Variants in HCN1 observed in about 807,000 individuals in gnomAD.
HCN1 encodes the protein potassium/sodium hyperpolarization-activated cyclic nucleotide-gated channel 1.
In HCN1, 13 loss-of-function variants were observed where a neutral mutation model predicts 78.9. That is an observed-to-expected ratio of 0.16 (90% confidence interval 0.11 to 0.26). The LOEUF (loss-of-function observed/expected upper bound fraction) is 0.26. Among genes scored for constraint, HCN1 ranks in the 10% least tolerant of loss-of-function variants. The probability of loss-of-function intolerance (pLI) is 1.00; values close to 1 mark genes in which losing one functional copy is unlikely to be tolerated. For missense variants in HCN1, 810 were observed against 1,154.3 expected (o/e 0.70, Z 4.32); for synonymous variants, 552 against 455.5 (o/e 1.21, Z -2.70).
chr5:45,262,227 C>T lies in HCN1; in HGVS notation c.2367G>A (p.Ser789=). ...LTREVRPLSA[S]QPSLPHEVST... ...ACACCTCATGGGGCAGCGAGGGCTGCGAGGCGGAGAGTGGCCTGACTTCCC... is the reference window on the plus strand; with the variant it reads ...ACACCTCATGGGGCAGCGAGGGCTGTGAGGCGGAGAGTGGCCTGACTTCCC... Residue 789 remains serine (S), a synonymous_variant, in exon 8 of 8, where the codon TCG becomes TCA. Transcript: ENST00000303230. 1 of 1,614,008 alleles carries T rather than the reference C, an allele frequency of 6.2e-7. No individual in the cohort carries two copies. The highest frequency in any genetic ancestry group is 8.5e-7 in the Non-Finnish European group (1 of 1,180,030).
intron 3 of HCN1, among the ~76,000 whole-genome samples, chr5:45,443,729 ATAATT>A (rs1740729527): frequency 6.6e-6 from 1 of 152,152 alleles, no homozygotes; most frequent in African/African-American, 2.4e-5. Flanking sequence ...AAGTTAAAAC[ATAATT>A]TAATATTTTT....
At chr5:45,666,587 A>C (rs1746054055) in intron 1 of HCN1, among the ~76,000 whole-genome samples, 1 of 152,058 alleles carries the variant, frequency 6.6e-6, no homozygotes, top group African/African-American at 2.4e-5. Context: ...CTTCATATAC[A>C]TAAAATATTT....
intron 3 of HCN1, among the ~76,000 whole-genome samples, chr5:45,449,212 G>A (rs1474767968): frequency 3.3e-5 from 5 of 152,226 alleles, no homozygotes; most frequent in South Asian, 2.1e-4. Flanking sequence ...AAGTAACCAA[G>A]GTACAAATAT....
In HCN1 at chr5:45,493,362, C is replaced by T. The variant is rs140829179; in HGVS notation, c.850-31355G>A. Among the ~76,000 whole-genome samples, 53 of 151,864 alleles carry T rather than the reference C, an allele frequency of 3.5e-4. No individual in the cohort carries two copies. In the East Asian group the frequency reaches 9.5e-3, roughly 27 times the overall value. ...TCTTATACTCTAACAAAAAATAAAT[C>T]GAGTTAAATATAATTTTCTAATGTC... On this transcript the variant is annotated intron_variant, in intron 2 of 7. Coordinates refer to ENST00000303230, the MANE Select transcript of HCN1 (RefSeq NM_021072.4).
chr5:45,296,088 G>A (rs532107287), intron 6 of HCN1, among the ~76,000 whole-genome samples: 3 of 152,102 alleles, frequency 2.0e-5, no homozygotes, highest in East Asian at 1.9e-4. Flanking sequence ...TGTCATCATA[G>A]TGAAAATATG....
intron 3 of HCN1, among the ~76,000 whole-genome samples, chr5:45,454,627 G>A (rs1046821405): frequency 9.2e-5 from 14 of 151,962 alleles, no homozygotes; most frequent in Middle Eastern, 3.4e-3. Context: ...CTCAAGAGAG[G>A]GGAAATATAT....
At chr5:45,537,151 A>G (rs1742982207) in intron 2 of HCN1, among the ~76,000 whole-genome samples, 1 of 152,082 alleles carries the variant, frequency 6.6e-6, no homozygotes, top group Non-Finnish European at 1.5e-5. Flanking sequence ...TGTTCTCAAG[A>G]CTGTAATAGG....
intron 3 of HCN1, among the ~76,000 whole-genome samples, chr5:45,407,019 C>T (rs1427495555): frequency 2.6e-5 from 4 of 152,100 alleles, no homozygotes; most frequent in African/African-American, 4.8e-5. Flanking sequence ...AATCCTTGCC[C>T]GAGGCTCAGC....
intron 4 of HCN1, among the ~76,000 whole-genome samples, chr5:45,364,900 G>T (rs1295824963): frequency 6.6e-6 from 1 of 152,000 alleles, no homozygotes; most frequent in Non-Finnish European, 1.5e-5. Context: ...ATTTAGATTA[G>T]ATTAGATGAG....
At chr5:45,404,260 G>A (rs986243233) in intron 3 of HCN1, among the ~76,000 whole-genome samples, 11 of 152,038 alleles carry the variant, frequency 7.2e-5, no homozygotes, top group African/African-American at 1.9e-4. Flanking sequence ...TATTATATGC[G>A]AATGGGAGAC....
intron 4 of HCN1, among the ~76,000 whole-genome samples, chr5:45,375,943 C>A (rs1180490838): frequency 8.8e-6 from 1 of 113,904 alleles, no homozygotes; most frequent in Non-Finnish European, 1.6e-5. Flanking sequence ...AATATTTTAT[C>A]ACATATATTA....
At position 45,372,847 on chromosome 5, in the gene HCN1, TCGTATTCTATACACAAAAATATGTA is replaced by T. The variant is rs1482931558; in HGVS notation, c.1231-19626_1231-19602del. Among the ~76,000 whole-genome samples the T allele has an allele frequency of 1.8e-4, 25 of 139,632 alleles. 1 individual carries two copies. Among genetic ancestry groups the T allele is most frequent in the Admixed American group, 1.2e-3 (16 of 13,612 alleles). 91.6% of individuals were successfully genotyped at this position (139,632 alleles called of 152,430 possible). On this transcript the variant is annotated intron_variant, in intron 4 of 7. Coordinates refer to ENST00000303230, the MANE Select transcript of HCN1 (RefSeq NM_021072.4). The stretch of plus-strand genomic sequence containing the variant: ...ACGTATTCTATACAGAAAAATATGT[TCGTATTCTATACACAAAAATATGTA>T]CGTATTCTATACACAAAAATATGTA...
At chr5:45,271,686 G>T (rs1020211151) in intron 6 of HCN1, among the ~76,000 whole-genome samples, 10 of 152,036 alleles carry the variant, frequency 6.6e-5, no homozygotes, top group Non-Finnish European at 1.5e-4. Flanking sequence ...GATAGTAGGG[G>T]CTTAATGTTA....
At chr5:45,390,328 T>A (rs1739513296) in intron 4 of HCN1, among the ~76,000 whole-genome samples, 1 of 152,168 alleles carries the variant, frequency 6.6e-6, no homozygotes, top group African/African-American at 2.4e-5. Flanking sequence ...TGTTTCTATC[T>A]TATGACATAT....
At chr5:45,503,757 T>G (rs1475390252) in intron 2 of HCN1, among the ~76,000 whole-genome samples, 1 of 110,428 alleles carries the variant, frequency 9.1e-6, no homozygotes. Context: ...TATTCCCCCC[T>G]CCCCCCACGC....
chr5:45,334,322 A>G (rs1746407583), intron 5 of HCN1, among the ~76,000 whole-genome samples: 1 of 151,708 alleles, frequency 6.6e-6, no homozygotes, highest in African/African-American at 2.4e-5. Flanking sequence ...TACATCTTGT[A>G]TCCTCTTTGT....
intron 2 of HCN1, among the ~76,000 whole-genome samples, chr5:45,506,255 T>G (rs1449687942): frequency 6.6e-6 from 1 of 152,170 alleles, no homozygotes; most frequent in Non-Finnish European, 1.5e-5. Context: ...ATGCTTCAAG[T>G]GCATATGTTC....
intron 1 of HCN1, among the ~76,000 whole-genome samples, chr5:45,680,215 G>T (rs144781007): frequency 6.6e-6 from 1 of 152,058 alleles, no homozygotes; most frequent in Admixed American, 6.6e-5. Context: ...CTTAGAAGAC[G>T]TGCAATTCTA....
At chr5:45,288,009 C>A (rs1376391811) in intron 6 of HCN1, among the ~76,000 whole-genome samples, 1 of 151,962 alleles carries the variant, frequency 6.6e-6, no homozygotes, top group South Asian at 2.1e-4. Flanking sequence ...TAGGAATTAA[C>A]ATTATTCCAG....
Sources: gnomAD v4.1 joint callset for allele counts (sites outside exome capture counted in the v4.1 genomes callset) on GRCh38, gnomAD v4.1.1 for gene constraint, MANE v1.5 for transcripts, NCBI Gene and HGNC (gene_info 2026-07-23, HGNC 2026-07-21) for gene names.